SLC2A9: variants seen among roughly 807,000 people sequenced by gnomAD.
SLC2A9 encodes the protein solute carrier family 2, facilitated glucose transporter member 9.
In SLC2A9, 39 loss-of-function variants were observed where a neutral mutation model predicts 50.6. The ratio of observed to expected loss-of-function variants is 0.77; its 90% CI spans 0.60 to 1.01. The LOEUF (loss-of-function observed/expected upper bound fraction) is 1.01, where lower values mean the gene tolerates loss of function less well. SLC2A9 is among the 50% of genes least tolerant of loss of function. The pLI is 0.00. For synonymous variants in SLC2A9, 324 were observed against 276.9 expected (o/e 1.17, Z -1.69); for missense variants, 686 against 677.6 (o/e 1.01, Z -0.14).
downstream of SLC2A9, chr4:9,798,923 G>C (rs1231958569): frequency 6.6e-6 from 1 of 152,218 alleles, no homozygotes; most frequent in African/African-American, 2.4e-5. Flanking sequence ...AAGTTGCCTG[G>C]TGTATGGCAG....
intron 10 of SLC2A9, chr4:9,879,491 G>A (rs1328793212): frequency 2.0e-6 from 2 of 985,212 alleles, no homozygotes; most frequent in East Asian, 2.3e-4. Flanking sequence ...GGCAGGCAGG[G>A]CAGGCAGAGA....
At chr4:10,005,006 T>G (rs781519299) in intron 2 of SLC2A9, among the ~76,000 whole-genome samples, 2 of 152,222 alleles carry the variant, frequency 1.3e-5, no homozygotes, top group Non-Finnish European at 2.9e-5. Context: ...ACGAGGCACA[T>G]TCTTGTATCT....
At chr4:9,927,757 T>C (rs1311104705) in intron 6 of SLC2A9, among the ~76,000 whole-genome samples, 2 of 152,170 alleles carry the variant, frequency 1.3e-5, no homozygotes, top group African/African-American at 2.4e-5. Flanking sequence ...TATAGCTTTA[T>C]AACGTTTTAT....
intron 3 of SLC2A9, chr4:9,783,078 C>T (rs1718716195): frequency 6.2e-7 from 1 of 1,614,212 alleles, no homozygotes. Context: ...TTCGGCTGGG[C>T]TAACTCCTCA....
At chr4:9,841,643 A>T (rs1321310679) in intron 10 of SLC2A9, among the ~76,000 whole-genome samples, 1 of 152,106 alleles carries the variant, frequency 6.6e-6, no homozygotes, top group Admixed American at 6.6e-5. Flanking sequence ...TGGGGTGGGT[A>T]GAAAAATTGG....
intron 1 of SLC2A9, among the ~76,000 whole-genome samples, chr4:9,772,470 C>G (rs1217957682): frequency 6.6e-6 from 1 of 152,202 alleles, no homozygotes; most frequent in Admixed American, 6.5e-5. Context: ...TAGTGCACAC[C>G]TGGTCTGACC....
chr4:9,892,286 G>C (rs932111576), intron 8 of SLC2A9, among the ~76,000 whole-genome samples: 2 of 152,352 alleles, frequency 1.3e-5, no homozygotes, highest in African/African-American at 4.8e-5. Context: ...AATGTTGAGG[G>C]GAACGGAGGG....
chr4:9,911,243 C>G (rs1284986137), intron 7 of SLC2A9, among the ~76,000 whole-genome samples: 1 of 152,100 alleles, frequency 6.6e-6, no homozygotes, highest in African/African-American at 2.4e-5. Flanking sequence ...CTCCCGCTGC[C>G]CAGGGGCTAC....
chr4:9,958,639 A>G (rs541424096), intron 5 of SLC2A9, among the ~76,000 whole-genome samples: 2 of 152,338 alleles, frequency 1.3e-5, no homozygotes, highest in African/African-American at 4.8e-5. Flanking sequence ...TTAAAGTACA[A>G]TAATAATTTA....
chr4:9,922,268 T>C (rs1376930030), intron 6 of SLC2A9, among the ~76,000 whole-genome samples: 1 of 150,838 alleles, frequency 6.6e-6, no homozygotes, highest in Non-Finnish European at 1.5e-5. Context: ...AGCTGAACAA[T>C]GAGACCACAT....
intron 8 of SLC2A9, among the ~76,000 whole-genome samples, chr4:9,902,290 A>T (rs1046050248): frequency 2.0e-5 from 3 of 152,210 alleles, no homozygotes; most frequent in African/African-American, 7.2e-5. Context: ...CCTTCTCCAC[A>T]GCAGAGACCT....
chr4:9,845,249 G>C (rs552499556), intron 10 of SLC2A9, among the ~76,000 whole-genome samples: 9 of 151,834 alleles, frequency 5.9e-5, no homozygotes, highest in African/African-American at 2.2e-4. Flanking sequence ...TCCTGACCTC[G>C]TGATCCGCCT....
At chr4:10,036,144 T>G (rs1173540051) in intron 1 of SLC2A9, 2 of 169,540 alleles carry the variant, frequency 1.2e-5, no homozygotes, top group Non-Finnish European at 2.5e-5. Context: ...CCACGTCCTG[T>G]GTATATAAAC....
intron 10 of SLC2A9, among the ~76,000 whole-genome samples, chr4:9,848,174 C>T (rs566540500): frequency 2.6e-5 from 4 of 152,278 alleles, no homozygotes; most frequent in Non-Finnish European, 5.9e-5. Flanking sequence ...TGGAAATGCC[C>T]CCGAGCTTTG....
At chr4:9,880,431 G>C in intron 10 of SLC2A9, 1 of 985,412 alleles carries the variant, frequency 1.0e-6, no homozygotes, top group Non-Finnish European at 1.2e-6. Context: ...CTGATGGGGA[G>C]CCCAGCATTT....
chr4:9,785,413 A>G (rs191222867), intron 3 of SLC2A9, among the ~76,000 whole-genome samples: 4 of 152,342 alleles, frequency 2.6e-5, no homozygotes, highest in East Asian at 3.9e-4. Context: ...TCATTTCCCA[A>G]TGCTGTTCAC....
At chr4:9,978,343 G>A (rs1010130722) in intron 5 of SLC2A9, among the ~76,000 whole-genome samples, 10 of 152,080 alleles carry the variant, frequency 6.6e-5, no homozygotes, top group African/African-American at 2.4e-4. Context: ...CAGACCTTAC[G>A]GACTCAAGCA....
At chr4:10,024,273 G>T (rs562264398), upstream of SLC2A9, among the ~76,000 whole-genome samples, 4 of 152,246 alleles carry the variant, frequency 2.6e-5, no homozygotes, top group African/African-American at 9.6e-5. Flanking sequence ...CGTCTCAATG[G>T]GCTGATTGTG....
At chr4:10,015,000 A>G (rs1172555179) in intron 2 of SLC2A9, among the ~76,000 whole-genome samples, 3 of 152,206 alleles carry the variant, frequency 2.0e-5, no homozygotes, top group Non-Finnish European at 4.4e-5. Context: ...TCGGTTTCTC[A>G]GTTAGATCAG....
Sources: gnomAD v4.1 joint callset for allele counts (sites outside exome capture counted in the v4.1 genomes callset) on GRCh38, gnomAD v4.1.1 for gene constraint, MANE v1.5 for transcripts, NCBI Gene and HGNC (gene_info 2026-07-23, HGNC 2026-07-21) for gene names.